KCNK5: variants seen among roughly 807,000 people sequenced by gnomAD.
KCNK5 encodes potassium channel subfamily K member 5.
In KCNK5, 18 loss-of-function variants were observed where a neutral mutation model predicts 32.9. The ratio of observed to expected loss-of-function variants is 0.55; its 90% confidence interval spans 0.38 to 0.81. The LOEUF (loss-of-function observed/expected upper bound fraction) is 0.81, where lower values mean the gene tolerates loss of function less well. Among genes scored for constraint, KCNK5 ranks in the 30% least tolerant of loss-of-function variants. The pLI is 0.00. For missense variants in KCNK5, 507 were observed against 651.0 expected (o/e 0.78, Z 2.41); for synonymous variants, 276 against 275.3 (o/e 1.00, Z -0.03).
At chr6:39,226,365 A>G (rs1204166817) in intron 1 of KCNK5, among the ~76,000 whole-genome samples, 1 of 152,172 alleles carries the variant, frequency 6.6e-6, no homozygotes, top group African/African-American at 2.4e-5. Context: ...CCTCACTTCA[A>G]CCACAGCGGA....
At chr6:39,227,467 C>A (rs916075639) in intron 1 of KCNK5, among the ~76,000 whole-genome samples, 1 of 152,068 alleles carries the variant, frequency 6.6e-6, no homozygotes, top group Non-Finnish European at 1.5e-5. Context: ...GGTAAACCAA[C>A]CAACCATCTA....
chr6:39,194,431 G>T lies in KCNK5; in HGVS notation c.466-94C>A. On this transcript the variant is annotated intron_variant, in intron 3 of 4. Transcript: ENST00000359534. The surrounding 1 kb of genome is among the most constrained non-coding windows in gnomAD (Gnocchi z 4.7). ...GGCCAGGGAGGCAGCTAGAGGAGAA[G>T]CTAGCTGGGTACCCAGCCTGACCCG... is the stretch of plus-strand genomic sequence containing the variant. 6.9e-7 allele frequency: 1 copy of T among 1,448,542 alleles called. No homozygotes were observed. The highest frequency in any genetic ancestry group is 9.4e-7 in the Non-Finnish European group (1 of 1,065,716). The allele number at this position is 1,448,542 out of a possible 1,614,324, so 89.7% of individuals were successfully genotyped here.
chr6:39,223,062 G>T lies in KCNK5; in HGVS notation c.186+5864C>A, dbSNP rs12526185. On this transcript the variant is annotated intron_variant, in intron 1 of 4. Coordinates refer to ENST00000359534, the MANE Select transcript of KCNK5 (RefSeq NM_003740.4). Reference sequence around the variant, plus strand: ...TTTGCGTTTAAAAAATTCAGTTGACGTTCTCTCTGTTCTAGGAAGACCTTC... The same window carrying T: ...TTTGCGTTTAAAAAATTCAGTTGACTTTCTCTCTGTTCTAGGAAGACCTTC... 9.9e-5 allele frequency among the ~76,000 whole-genome samples: 15 copies of T among 152,242 alleles called. No individual in the cohort carries two copies. In the South Asian group the frequency reaches 3.1e-3, roughly 32 times the overall value.
intron 1 of KCNK5, among the ~76,000 whole-genome samples, chr6:39,227,002 AG>A (rs1771683781): frequency 6.6e-6 from 1 of 152,084 alleles, no homozygotes; most frequent in Non-Finnish European, 1.5e-5. Flanking sequence ...CAGATTTAAC[AG>A]GACTGCTAAA....
chr6:39,194,706 T>C lies in KCNK5; in HGVS notation c.353A>G (p.Tyr118Cys), dbSNP rs1403474881. 1.9e-6 allele frequency: 3 copies of C among 1,613,878 alleles called. No individual in the cohort carries two copies. The highest frequency in any genetic ancestry group is 2.5e-6 in the Non-Finnish European group (3 of 1,179,996). ...TPAGRLFCVF[Y>C]GLFGVPLCLT... ...GCAGAGCGGCACCCCGAAGAGACCA[T>C]AGAAAACACAGAAGAGGCGACCGGC... Residue 118 changes from tyrosine (Y) to cysteine (C), a missense_variant, in exon 3 of 5, where the codon TAT becomes TGT. Around this residue, in one of 6 missense-constraint regions of KCNK5, gnomAD observed 143 missense variants for 219.1 expected, o/e 0.65. Transcript: ENST00000359534. The surrounding 1 kb of genome is among the most constrained non-coding windows in gnomAD (Gnocchi z 4.7).
chr6:39,215,333 G>T (rs1052005827), intron 1 of KCNK5, among the ~76,000 whole-genome samples: 2 of 152,164 alleles, frequency 1.3e-5, no homozygotes, highest in Non-Finnish European at 2.9e-5. Context: ...TGCTCTGAAG[G>T]GGGCAGGGAT....
chr6:39,196,669 C>T (rs143792182), intron 1 of KCNK5, among the ~76,000 whole-genome samples: 1,558 of 152,332 alleles, frequency 0.01, 30 homozygotes, highest in African/African-American at 0.036. Flanking sequence ...GTACCCTCTC[C>T]CCTGTGGGAT....
At chr6:39,227,099 C>A (rs1771684909) in intron 1 of KCNK5, among the ~76,000 whole-genome samples, 1 of 152,048 alleles carries the variant, frequency 6.6e-6, no homozygotes, top group South Asian at 2.1e-4. Flanking sequence ...GCTGCCTAAC[C>A]CCTGGACCCC....
intron 1 of KCNK5, among the ~76,000 whole-genome samples, chr6:39,200,456 C>T (rs962075561): frequency 6.6e-6 from 1 of 152,074 alleles, no homozygotes; most frequent in Non-Finnish European, 1.5e-5. Context: ...TGGGAAGATA[C>T]TATAATTTTT....
intron 1 of KCNK5, among the ~76,000 whole-genome samples, chr6:39,201,502 C>T (rs1295114516): frequency 6.6e-6 from 1 of 152,014 alleles, no homozygotes; most frequent in Non-Finnish European, 1.5e-5. Flanking sequence ...CCACCTGCCT[C>T]GGGCTCCCAA....
rs143558851 is a variant in KCNK5, at chr6:39,190,985, C to T, written c.1405G>A (p.Glu469Lys). 7.0e-6 allele frequency: 11 copies of T among 1,561,460 alleles called. No homozygotes were observed. The East Asian group carries it at 1.1e-4, about 16-fold the overall frequency. Residue 469 changes from glutamate (E) to lysine (K), a missense_variant, in exon 5 of 5, where the codon GAG (glutamate) becomes AAG (lysine). This residue lies in a region of KCNK5 where 252 missense variants were observed against 250.8 expected (regional missense o/e 1.00). Transcript: ENST00000359534. ...GACTCAGTGCTGGTGAAGGTGGACT[C>T]GGAGGAGGAGGGGAACTCGCCCATG... ...LNMGEFPSSS[E>K]STFTSTESEL...
At chr6:39,214,555 G>C (rs1771396282) in intron 1 of KCNK5, among the ~76,000 whole-genome samples, 1 of 152,182 alleles carries the variant, frequency 6.6e-6, no homozygotes, top group South Asian at 2.1e-4. Flanking sequence ...GGACAAAGGA[G>C]AGAGAGAAAC....
At chr6:39,228,547 G>A (rs574541516) in intron 1 of KCNK5, among the ~76,000 whole-genome samples, 2 of 152,276 alleles carry the variant, frequency 1.3e-5, no homozygotes, top group South Asian at 4.1e-4. Context: ...ATGGCACCAG[G>A]CTTGGCTCCC....
chr6:39,194,625 C>T lies in KCNK5; in HGVS notation c.434G>A (p.Gly145Glu). The T allele has an allele frequency of 6.2e-7, 1 of 1,614,166 alleles. No homozygotes were observed. The highest frequency in any genetic ancestry group is 8.5e-7 in the Non-Finnish European group (1 of 1,180,028). The change falls in exon 3 of 5, where the codon GGG (glycine) becomes GAG (glutamate). Residue 145 changes from glycine (G) to glutamate (E), a missense_variant. This residue lies in a region of KCNK5 where 143 missense variants were observed against 219.1 expected (regional missense o/e 0.65). Transcript: ENST00000359534. This position sits in a 1 kb window ranked among gnomAD's most constrained non-coding sequence, Gnocchi z 4.7. ...KFFGGRAKRL[G>E]QFLTKRGVSL... ...CACACCTCTCTTGGTAAGGAACTGC[C>T]CTAGTCTCTTGGCACGTCCCCCGAA...
chr6:39,207,612 T>C (rs1771252521), intron 1 of KCNK5, among the ~76,000 whole-genome samples: 1 of 147,918 alleles, frequency 6.8e-6, no homozygotes, highest in South Asian at 2.2e-4. Flanking sequence ...TCTGGAACCA[T>C]CAGGATTCCA....
At chr6:39,209,950 G>A (rs748308615) in intron 1 of KCNK5, among the ~76,000 whole-genome samples, 2 of 152,208 alleles carry the variant, frequency 1.3e-5, no homozygotes, top group Non-Finnish European at 2.9e-5. Context: ...AGAGCAGGAA[G>A]GCTGGTGCAT....
chr6:39,208,135 G>A (rs1278204862), intron 1 of KCNK5, among the ~76,000 whole-genome samples: 5 of 152,074 alleles, frequency 3.3e-5, no homozygotes, highest in Admixed American at 3.3e-4. Context: ...TGAGGGCTGA[G>A]GTTCTGATAA....
chr6:39,223,912 A>T (rs538109844), intron 1 of KCNK5, among the ~76,000 whole-genome samples: 258 of 151,914 alleles, frequency 1.7e-3, no homozygotes, highest in African/African-American at 6.1e-3. Context: ...TGCATCCCCC[A>T]CCCCCACTGG....
chr6:39,227,631 C>T (rs1196779839), intron 1 of KCNK5, among the ~76,000 whole-genome samples: 2 of 152,172 alleles, frequency 1.3e-5, no homozygotes, highest in Admixed American at 1.3e-4. Context: ...TCCCCACACA[C>T]GGCTGCCAGC....
Sources: gnomAD v4.1 joint callset for allele counts (sites outside exome capture counted in the v4.1 genomes callset) on GRCh38, gnomAD v4.1.1 for gene constraint, gnomAD v4.1.1 regional missense constraint, Gnocchi (gnomAD v3.1) non-coding constraint, MANE v1.5 for transcripts, NCBI Gene and HGNC (gene_info 2026-07-23, HGNC 2026-07-21) for gene names.